Variants in PATL2 observed in about 807,000 individuals in gnomAD.
PATL2 encodes PAT1 homolog 2, also known as protein PAT1 homolog 2.
Under a neutral mutation model 77.0 loss-of-function variants are expected in PATL2, and 73 were observed. The ratio of observed to expected loss-of-function variants is 0.95; its 90% CI spans 0.78 to 1.15. The LOEUF is 1.15. PATL2 is among the 50% of genes most tolerant of loss of function. The pLI is 0.00. For missense variants in PATL2, 618 were observed against 655.4 expected (o/e 0.94, Z 0.62); for synonymous variants, 265 against 257.1 (o/e 1.03, Z -0.29).
chr15:44,684,427 A>G (rs192795424), intron 3 of PATL2, among the ~76,000 whole-genome samples: 1 of 152,082 alleles, frequency 6.6e-6, no homozygotes, highest in Non-Finnish European at 1.5e-5. Flanking sequence ...TGAAAAACAC[A>G]GCACAAGAAC....
intron 6 of PATL2, among the ~76,000 whole-genome samples, chr15:44,673,628 T>C (rs2085802949): frequency 6.6e-6 from 1 of 152,154 alleles, no homozygotes; most frequent in Admixed American, 6.5e-5. Flanking sequence ...TTTCCTACCA[T>C]TTGGAAAGTC....
Position 44,672,374 on chromosome 15 carries a change from G to T in PATL2, c.515+14C>A. The T allele has an allele frequency of 6.4e-7, 1 of 1,551,420 alleles. No homozygotes were observed. Among genetic ancestry groups the T allele is most frequent in the Non-Finnish European group, 8.7e-7 (1 of 1,146,780 alleles). ...ATGGGCTCCCCTCAACCCTGCTCCT[G>T]GTCTGGGCTTTACCTTGGTGTTTGA... On this transcript the variant is annotated intron_variant, in intron 8 of 17. Transcript: ENST00000682850.
chr15:44,707,561 T>C (rs2086765745), intron 3 of PATL2, among the ~76,000 whole-genome samples: 1 of 152,134 alleles, frequency 6.6e-6, no homozygotes, highest in Non-Finnish European at 1.5e-5. Context: ...CTCAGGACTT[T>C]GCCTGGTGCC....
At chr15:44,689,009 G>A (rs910510501) in intron 3 of PATL2, among the ~76,000 whole-genome samples, 8 of 151,984 alleles carry the variant, frequency 5.3e-5, no homozygotes, top group Admixed American at 2.6e-4. Context: ...TTAAACAAAT[G>A]TACAAGAAAA....
intron 3 of PATL2, among the ~76,000 whole-genome samples, chr15:44,706,819 G>A (rs1274116681): frequency 2.0e-5 from 3 of 152,220 alleles, no homozygotes; most frequent in Admixed American, 2.0e-4. Flanking sequence ...AGCCAGCCAA[G>A]CTTATGTCCC....
At chr15:44,697,449 G>C (rs2086530944) in intron 3 of PATL2, 1 of 152,102 alleles carries the variant, frequency 6.6e-6, no homozygotes, top group Admixed American at 6.6e-5. Context: ...CTTCTTTATA[G>C]TTTTTAGTAT....
At position 44,666,391 on chromosome 15, in the gene PATL2, C is replaced by T; in HGVS notation, c.1613+1G>A. 1 of 1,551,678 alleles carries T rather than the reference C, an allele frequency of 6.4e-7. No homozygotes were observed. The highest frequency in any genetic ancestry group is 8.7e-7 in the Non-Finnish European group (1 of 1,146,978). ...TTGACCTTGTTTCTGCCATTACTTACTCCATCCTGGCCTCCAGCTGCTGAA... is the reference window on the plus strand; with the variant it reads ...TTGACCTTGTTTCTGCCATTACTTATTCCATCCTGGCCTCCAGCTGCTGAA... On this transcript the variant is annotated splice_donor_variant, in intron 17 of 17. Transcript: ENST00000682850. LOFTEE classifies it high-confidence loss of function.
At chr15:44,700,177 C>T (rs1193573145) in intron 3 of PATL2, among the ~76,000 whole-genome samples, 2 of 152,112 alleles carry the variant, frequency 1.3e-5, no homozygotes, top group African/African-American at 2.4e-5. Context: ...TTTCTTTCAT[C>T]AGTGTTTTAT....
In PATL2 at chr15:44,672,055, A is replaced by AG; in HGVS notation, c.616dup (p.Leu206ProfsTer10). The AG allele has an allele frequency of 6.4e-7, 1 of 1,551,726 alleles. No individual in the cohort carries two copies. Among genetic ancestry groups the AG allele is most frequent in the Non-Finnish European group, 8.7e-7 (1 of 1,146,998 alleles). ...ATCCAGGCGGGGTTTTGCACTCTGC[A>AG]GCTGCACCATCTGCACTTTTATCAC... is the stretch of plus-strand genomic sequence containing the variant. On this transcript the variant is annotated frameshift_variant, in exon 9 of 18. Coordinates refer to ENST00000682850, the MANE Select transcript of PATL2 (RefSeq NM_001387263.1). LOFTEE classifies it high-confidence loss of function.
intron 3 of PATL2, among the ~76,000 whole-genome samples, chr15:44,678,202 C>T (rs922485660): frequency 6.6e-6 from 1 of 152,060 alleles, no homozygotes; most frequent in Non-Finnish European, 1.5e-5. Flanking sequence ...TCAGGAACTT[C>T]CTAATAACGT....
intron 3 of PATL2, among the ~76,000 whole-genome samples, chr15:44,698,363 C>T (rs891286956): frequency 6.6e-6 from 1 of 152,006 alleles, no homozygotes; most frequent in Non-Finnish European, 1.5e-5. Flanking sequence ...ATTTTTGTAT[C>T]CATTAACCAT....
At chr15:44,709,597 C>T (rs993473656) in intron 3 of PATL2, among the ~76,000 whole-genome samples, 18 of 152,290 alleles carry the variant, frequency 1.2e-4, no homozygotes, top group African/African-American at 3.8e-4. Flanking sequence ...GCAAACAGTG[C>T]TCTTGTTTTT....
chr15:44,688,461 A>G lies in PATL2; in HGVS notation c.-75-11896T>C, dbSNP rs183849721. 5.7e-4 allele frequency among the ~76,000 whole-genome samples: 87 copies of G among 152,250 alleles called. 1 individual carries two copies. The highest frequency in any genetic ancestry group is 5.6e-3 in the East Asian group (29 of 5,186). On this transcript the variant is annotated intron_variant, in intron 3 of 17. Transcript: ENST00000682850. ...ACCATGCTACCTGACTTCAAACTAT[A>G]CTACAAGGCTACAGTAACCAGAACA... is the stretch of plus-strand genomic sequence containing the variant.
At chr15:44,671,942 A>G in intron 9 of PATL2, 73 bp downstream of exon 9, 1 of 1,513,260 alleles carries the variant, frequency 6.6e-7, no homozygotes. Flanking sequence ...CGAAGAGAGG[A>G]TCAGAGCGGG....
At chr15:44,668,668 G>A (rs1187461469) in intron 14 of PATL2, among the ~76,000 whole-genome samples, 186 bp from the exon 15 acceptor site, 4 of 152,106 alleles carry the variant, frequency 2.6e-5, no homozygotes, top group Non-Finnish European at 4.4e-5. Context: ...CTTGTCCTAG[G>A]AATCCTTCTC....
intron 3 of PATL2, among the ~76,000 whole-genome samples, chr15:44,706,514 A>G (rs780481095): frequency 1.4e-4 from 22 of 152,234 alleles, no homozygotes; most frequent in Non-Finnish European, 2.9e-4. Flanking sequence ...TTACTCATAG[A>G]GGCACTGCCA....
intron 3 of PATL2, among the ~76,000 whole-genome samples, chr15:44,693,510 C>G (rs2086438739): frequency 6.6e-6 from 1 of 152,114 alleles, no homozygotes; most frequent in Admixed American, 6.6e-5. Flanking sequence ...TTAAAGGACC[C>G]CTGTGATTAC....
intron 3 of PATL2, among the ~76,000 whole-genome samples, chr15:44,687,098 C>T (rs999192941): frequency 4.6e-5 from 7 of 152,088 alleles, no homozygotes; most frequent in African/African-American, 1.7e-4. Flanking sequence ...AGAGACACAA[C>T]AAAAAAAGAA....
intron 5 of PATL2, chr15:44,675,247 C>T (rs1408900855): frequency 1.8e-5 from 9 of 504,572 alleles, no homozygotes; most frequent in South Asian, 6.1e-5. Context: ...CGCCTGTGGG[C>T]GATGCACAGC....
Sources: gnomAD v4.1 joint callset for allele counts (sites outside exome capture counted in the v4.1 genomes callset) on GRCh38, gnomAD v4.1.1 for gene constraint, MANE v1.5 for transcripts, NCBI Gene and HGNC (gene_info 2026-07-23, HGNC 2026-07-21) for gene names.